Variants in COL4A3 observed in about 807,000 individuals in gnomAD.
COL4A3 encodes the protein collagen type IV alpha 3 chain.
In COL4A3, 135 loss-of-function variants were observed where a neutral mutation model predicts 217.4. The ratio of observed to expected loss-of-function variants is 0.62; its 90% confidence interval spans 0.54 to 0.72. The LOEUF (loss-of-function observed/expected upper bound fraction) is 0.72. Ranked by LOEUF, COL4A3 falls within the 30% of genes least tolerant of loss-of-function variation. The probability of loss-of-function intolerance (pLI) is 0.00; values close to 1 mark genes in which losing one functional copy is unlikely to be tolerated. For missense variants in COL4A3, 1,868 were observed against 2,119.9 expected, an observed-to-expected ratio of 0.88 and a Z score of 2.33; for synonymous variants, 690 against 736.3, an observed-to-expected ratio of 0.94 and a Z score of 1.02.
At chr2:227,174,567 C>T (rs895257329) in intron 1 of COL4A3, among the ~76,000 whole-genome samples, 7 of 151,964 alleles carry the variant, frequency 4.6e-5, no homozygotes, top group African/African-American at 1.2e-4. Context: ...AGTGCAGTGG[C>T]GCAATCTCGG....
chr2:227,250,349 TAGATAG>T lies in COL4A3; in HGVS notation c.547-789_547-784del. Among the ~76,000 whole-genome samples the T allele has an allele frequency of 3.0e-5, 4 of 133,000 alleles. No individual in the cohort carries two copies. The South Asian group carries it at 7.0e-4, about 23-fold the overall frequency. 87.3% of individuals were successfully genotyped at this position (133,000 alleles called of 152,430 possible). A position where few individuals can be genotyped will look rare whatever the true frequency, so the allele number is the denominator to read the frequency against. ...AGATAGATAAAAGATGATAGATAGA[TAGATAG>T]ATAGATAGATAGATAGATAGATAGA... is the stretch of plus-strand genomic sequence containing the variant. On this transcript the variant is annotated intron_variant, in intron 9 of 51. Transcript: ENST00000396578. This position sits in a 1 kb window ranked among gnomAD's most constrained non-coding sequence, Gnocchi z 4.1.
chr2:227,190,615 A>G (rs2066195850), intron 1 of COL4A3, among the ~76,000 whole-genome samples: 1 of 152,240 alleles, frequency 6.6e-6, no homozygotes, highest in South Asian at 2.1e-4. Context: ...ATTTTCTATT[A>G]TAAAAGTAAT....
chr2:227,268,324 T>C (rs1051817488), intron 23 of COL4A3: 1 of 152,268 alleles, frequency 6.6e-6, no homozygotes, highest in African/African-American at 2.4e-5. Context: ...TGGTAGAGAC[T>C]GAACTGAAAT....
chr2:227,230,153 C>T (rs1274795848), intron 1 of COL4A3, among the ~76,000 whole-genome samples: 2 of 151,978 alleles, frequency 1.3e-5, no homozygotes, highest in Admixed American at 6.6e-5. Flanking sequence ...TAGGTCCATA[C>T]ATACATGGCC....
chr2:227,299,171 G>A (rs1456983820), intron 43 of COL4A3, among the ~76,000 whole-genome samples: 9 of 152,142 alleles, frequency 5.9e-5, no homozygotes, highest in African/African-American at 1.4e-4. Flanking sequence ...CGAGGCGGGC[G>A]GATCACGAGG....
At chr2:227,201,245 T>C (rs2066673824) in intron 1 of COL4A3, among the ~76,000 whole-genome samples, 1 of 152,160 alleles carries the variant, frequency 6.6e-6, no homozygotes, top group African/African-American at 2.4e-5. Flanking sequence ...AACGGTCTTA[T>C]TTACAAGTTC....
intron 1 of COL4A3, among the ~76,000 whole-genome samples, chr2:227,235,538 A>C (rs909697545): frequency 4.6e-5 from 7 of 152,124 alleles, no homozygotes; most frequent in Non-Finnish European, 1.0e-4. Flanking sequence ...ATTTTGATGC[A>C]CCCATCACCC....
At chr2:227,247,471 C>A in intron 7 of COL4A3, 87 bp from the exon 8 acceptor site, 1 of 1,285,582 alleles carries the variant, frequency 7.8e-7, no homozygotes, top group Non-Finnish European at 1.1e-6. Context: ...GGAGAGGATA[C>A]ACAATAGCAG....
At chr2:227,213,992 T>C (rs4430946) in intron 1 of COL4A3, among the ~76,000 whole-genome samples, 23,074 of 151,258 alleles carry the variant, frequency 0.15, 1,896 homozygotes, top group Admixed American at 0.19. Context: ...ATATTAGGAA[T>C]CAGCAGAGGT....
At chr2:227,254,806 T>G (rs921344740) in intron 15 of COL4A3, 91 bp downstream of exon 15, 18 of 900,432 alleles carry the variant, frequency 2.0e-5, no homozygotes, top group Middle Eastern at 2.1e-4. Context: ...CAACTCAAAC[T>G]AGCTCAAGCT....
In COL4A3 at chr2:227,260,972, T is replaced by TG. The variant is rs2070519975; in HGVS notation, c.1115-109dup. On this transcript the variant is annotated intron_variant, in intron 19 of 51. Transcript: ENST00000396578. Reference sequence around the variant, plus strand: ...TCTAGGTGAGAGTAGGAAAAAAGTATGAAAACTCTGTATTATTAACTATCA... The same window carrying TG: ...TCTAGGTGAGAGTAGGAAAAAAGTATGGAAAACTCTGTATTATTAACTATCA... 6 of 890,928 alleles carry TG rather than the reference T, an allele frequency of 6.7e-6. No individual in the cohort carries two copies. In the East Asian group the frequency reaches 1.5e-4, roughly 22 times the overall value. 55.2% of individuals were successfully genotyped at this position (890,928 alleles called of 1,614,324 possible). A position where few individuals can be genotyped will look rare whatever the true frequency, so the allele number is the denominator to read the frequency against.
chr2:227,283,005 T>G (rs886942087), intron 32 of COL4A3, among the ~76,000 whole-genome samples: 1 of 152,194 alleles, frequency 6.6e-6, no homozygotes, highest in African/African-American at 2.4e-5. Flanking sequence ...TGGGCATTTC[T>G]TTTTGGGAAG....
intron 41 of COL4A3, chr2:227,296,625 A>T (rs2073039318): frequency 2.0e-6 from 1 of 512,426 alleles, no homozygotes; most frequent in African/African-American, 2.1e-5. Context: ...ATATAATCCA[A>T]GCCATCTTGG....
intron 47 of COL4A3, among the ~76,000 whole-genome samples, chr2:227,306,684 A>T (rs763687216): frequency 6.6e-6 from 1 of 152,138 alleles, no homozygotes; most frequent in African/African-American, 2.4e-5. Flanking sequence ...GGGCTTTTAC[A>T]AATTTCTGAG....
At chr2:227,197,196 G>GT (rs896139826) in intron 1 of COL4A3, among the ~76,000 whole-genome samples, 3 of 151,600 alleles carry the variant, frequency 2.0e-5, no homozygotes, top group Admixed American at 2.0e-4. Context: ...TTTGGGTACG[G>GT]TTTTTTTGTT....
At chr2:227,284,684 A>G (rs1014579924) in intron 34 of COL4A3, among the ~76,000 whole-genome samples, 2 of 152,224 alleles carry the variant, frequency 1.3e-5, no homozygotes, top group African/African-American at 4.8e-5. Flanking sequence ...ATTCCACATT[A>G]AAAAACTTTT....
chr2:227,288,796 C>T (rs2072492769), intron 34 of COL4A3, among the ~76,000 whole-genome samples: 1 of 152,138 alleles, frequency 6.6e-6, no homozygotes, highest in South Asian at 2.1e-4. Flanking sequence ...TCATTTAATC[C>T]TCTTCTTTAA....
At chr2:227,283,291 G>A (rs1420606225) in intron 32 of COL4A3, among the ~76,000 whole-genome samples, 2 of 152,134 alleles carry the variant, frequency 1.3e-5, no homozygotes, top group African/African-American at 4.8e-5. Context: ...CAACTTAATC[G>A]ACACATTATC....
At chr2:227,193,731 AGGAG>A (rs1320436715) in intron 1 of COL4A3, among the ~76,000 whole-genome samples, 4 of 59,572 alleles carry the variant, frequency 6.7e-5, no homozygotes, top group Non-Finnish European at 1.3e-4. Flanking sequence ...GAAAGAAGGA[AGGAG>A]GGAGGGAGGG....
Sources: allele counts gnomAD v4.1 joint callset (sites outside exome capture counted in the v4.1 genomes callset), GRCh38; gene constraint gnomAD v4.1.1; non-coding constraint Gnocchi (gnomAD v3.1); transcripts MANE v1.5; gene names NCBI Gene and HGNC (gene_info 2026-07-23, HGNC 2026-07-21).